CYP46A1: variants seen among roughly 807,000 people sequenced by gnomAD.
CYP46A1 encodes cholesterol 24-hydroxylase.
A neutral mutation model predicts 63.3 loss-of-function variants in CYP46A1; 20 were observed. That is an observed-to-expected ratio of 0.32 (90% CI 0.22 to 0.46). The LOEUF (loss-of-function observed/expected upper bound fraction) is 0.46. Ranked by LOEUF, CYP46A1 falls within the 20% of genes least tolerant of loss-of-function variation. The pLI, the probability that CYP46A1 is intolerant of heterozygous loss-of-function variation, is 1.00. For synonymous variants in CYP46A1, 268 were observed against 273.6 expected, an observed-to-expected ratio of 0.98 and a Z score of 0.20; for missense variants, 445 against 670.8, an observed-to-expected ratio of 0.66 and a Z score of 3.72.
chr14:99,696,046 T>C (rs1430943910), intron 3 of CYP46A1, among the ~76,000 whole-genome samples: 12 of 152,232 alleles, frequency 7.9e-5, no homozygotes, highest in Non-Finnish European at 1.5e-5. Context: ...TAGCACACAG[T>C]TGATTCTTGC....
rs996422749 is a variant in CYP46A1 at position 99,696,139 on chromosome 14, G to C, written c.283-3327G>C. Among the ~76,000 whole-genome samples, 9 of 152,160 alleles carry C rather than the reference G, an allele frequency of 5.9e-5. No homozygotes were observed. The East Asian group carries it at 1.7e-3, about 29-fold the overall frequency. ...TTACTGTAATTATTGATATGGCTGT[G>C]TTTAAATCTACCATGTTACTGTTTG... On this transcript the variant is annotated intron_variant, in intron 3 of 14. Transcript: ENST00000261835.
At position 99,726,753 on chromosome 14, in the gene CYP46A1, C is replaced by G; in HGVS notation, c.*26C>G. On this transcript the variant is annotated 3_prime_UTR_variant, in exon 15 of 15. Transcript: ENST00000261835. ...GGGGGCCTCCAGGCAGGACGAGACT[C>G]CTCGGGCAAGGGCCGTGCCCGCCCA... is the stretch of plus-strand genomic sequence containing the variant. The G allele has an allele frequency of 6.7e-7, 1 of 1,487,774 alleles. No homozygotes were observed. Among genetic ancestry groups the G allele is most frequent in the Non-Finnish European group, 9.0e-7 (1 of 1,114,696 alleles). The allele number at this position is 1,487,774 out of a possible 1,614,324, so 92.2% of individuals were successfully genotyped here. A position where few individuals can be genotyped will look rare whatever the true frequency, so the allele number is the denominator to read the frequency against.
chr14:99,709,591 A>C (rs1422537832), intron 7 of CYP46A1: 2 of 152,226 alleles, frequency 1.3e-5, no homozygotes, highest in African/African-American at 4.8e-5. Flanking sequence ...TCAGGAGAAG[A>C]GATGGGCAAA....
At position 99,722,879 on chromosome 14, in the gene CYP46A1, T is replaced by C; in HGVS notation, c.1176+813T>C. ...AGCAACGATGCCATTTCTGTCCGCA[T>C]GTCCAGGAACAGTGTGCAAGCCAGC... On this transcript the variant is annotated intron_variant, in intron 12 of 14. Coordinates refer to ENST00000261835, the MANE Select transcript of CYP46A1 (RefSeq NM_006668.2). The surrounding 1 kb of genome is among the most constrained non-coding windows in gnomAD (Gnocchi z 4.6). 1 of 451,480 alleles carries C rather than the reference T, an allele frequency of 2.2e-6. No individual in the cohort carries two copies. The highest frequency in any genetic ancestry group is 1.6e-5 in the South Asian group (1 of 64,198). The allele number at this position is 451,480 out of a possible 1,614,324, so 28.0% of individuals were successfully genotyped here.
intron 1 of CYP46A1, among the ~76,000 whole-genome samples, chr14:99,685,100 C>T (rs866453042): frequency 1.6e-5 from 2 of 125,316 alleles, no homozygotes; most frequent in Non-Finnish European, 3.4e-5. Context: ...CCCCCCCCAC[C>T]CCCAGCTTAG....
chr14:99,684,962 A>C (rs1049958473), intron 1 of CYP46A1, among the ~76,000 whole-genome samples: 1 of 152,020 alleles, frequency 6.6e-6, no homozygotes, highest in African/African-American at 2.4e-5. Flanking sequence ...AGCACGCTGT[A>C]CTTCAGTCAT....
rs368734286 is a variant in CYP46A1 at position 99,699,980 on chromosome 14, C to G, written c.357-35C>G. ...TCAAGCAGTCGCTCCCCACCCCCCA[C>G]CCTCTTTCCCGCATCACGTGTGTGT... On this transcript the variant is annotated intron_variant, in intron 4 of 14. Coordinates refer to ENST00000261835, the MANE Select transcript of CYP46A1 (RefSeq NM_006668.2). 1.2e-5 allele frequency: 7 copies of G among 585,416 alleles called. 1 individual carries two copies. In the Admixed American group the frequency reaches 1.2e-4, roughly 10 times the overall value. The allele number at this position is 585,416 out of a possible 1,614,324, so 36.3% of individuals were successfully genotyped here. A position where few individuals can be genotyped will look rare whatever the true frequency, so the allele number is the denominator to read the frequency against.
Position 99,715,882 on chromosome 14 carries a change from G to A in CYP46A1, c.766G>A (p.Asp256Asn). ...SIRFLRQVGR[D>N]WVQRRREALK... The stretch of plus-strand genomic sequence containing the variant: ...TCGCTTCCTGCGCCAGGTGGGCAGG[G>A]ACTGGGTCCAGCGCCGCCGGGAAGC... Residue 256 changes from aspartate (D) to asparagine (N), a missense_variant, in exon 8 of 15, where the codon GAC becomes AAC. Coordinates refer to ENST00000261835, the MANE Select transcript of CYP46A1 (RefSeq NM_006668.2). The A allele has an allele frequency of 6.2e-7, 1 of 1,614,030 alleles. No homozygotes were observed.
In CYP46A1 at chr14:99,726,481, G is replaced by C. The variant is rs549399050; in HGVS notation, c.1333-76G>C. 55 of 1,392,102 alleles carry C rather than the reference G, an allele frequency of 4.0e-5. No individual in the cohort carries two copies. The East Asian group carries it at 1.1e-3, about 27-fold the overall frequency. The allele number at this position is 1,392,102 out of a possible 1,614,324, so 86.2% of individuals were successfully genotyped here. A position where few individuals can be genotyped will look rare whatever the true frequency, so the allele number is the denominator to read the frequency against. ...GCTCTCCAGGAGGAGAGCCGGCTGT[G>C]ACATTTGCTGCTCATTCACTCACTC... On this transcript the variant is annotated intron_variant, in intron 14 of 14. Transcript: ENST00000261835.
chr14:99,703,519 C>T, intron 5 of CYP46A1: 3 of 917,920 alleles, frequency 3.3e-6, no homozygotes, highest in Non-Finnish European at 3.9e-6. Flanking sequence ...TTTGCATCCC[C>T]TCTCCCCAGC....
chr14:99,707,462 C>A, intron 6 of CYP46A1, 106 bp from the exon 7 acceptor site: 1 of 825,542 alleles, frequency 1.2e-6, no homozygotes, highest in Non-Finnish European at 2.0e-6. Context: ...TGCATATAAA[C>A]CCTTAGCCCA....
chr14:99,706,143 G>A (rs2181229), intron 5 of CYP46A1: 153,209 of 153,244 alleles, frequency 1, 76,587 homozygotes, highest in Non-Finnish European at 1. Flanking sequence ...TCTGGGGTGC[G>A]AATGGTATCT....
intron 10 of CYP46A1, among the ~76,000 whole-genome samples, chr14:99,720,172 A>G (rs952335861): frequency 2.6e-5 from 4 of 152,168 alleles, no homozygotes; most frequent in African/African-American, 7.2e-5. Context: ...CCGTTTGTCT[A>G]TTTTGAATAA....
At position 99,727,131 on chromosome 14, in the gene CYP46A1, T is replaced by C; in HGVS notation, c.*404T>C. Reference sequence around the variant, plus strand: ...CTCCCTCGGTCACCTGTGCTACCTCTAACACCACACTGACCACACTGTATC... The same window carrying C: ...CTCCCTCGGTCACCTGTGCTACCTCCAACACCACACTGACCACACTGTATC... On this transcript the variant is annotated 3_prime_UTR_variant, in exon 15 of 15. Coordinates refer to ENST00000261835, the MANE Select transcript of CYP46A1 (RefSeq NM_006668.2). The C allele has an allele frequency of 5.1e-6, 1 of 195,446 alleles. No homozygotes were observed. The allele number at this position is 195,446 out of a possible 1,614,324, so 12.1% of individuals were successfully genotyped here.
chr14:99,719,124 T>C (rs755252954), intron 10 of CYP46A1, among the ~76,000 whole-genome samples: 1 of 152,182 alleles, frequency 6.6e-6, no homozygotes. Context: ...TGGTAAAATA[T>C]ACATAACATA....
rs1169385381 is a variant in CYP46A1 at position 99,707,729 on chromosome 14, C to T, written c.693+51C>T. Reference sequence around the variant, plus strand: ...GACCAGCCACCAGAGCTGTTGTCTTCATTTGCTGAAGAACCTCCTTCAGTG... The same window carrying T: ...GACCAGCCACCAGAGCTGTTGTCTTTATTTGCTGAAGAACCTCCTTCAGTG... On this transcript the variant is annotated intron_variant, in intron 7 of 14. Transcript: ENST00000261835. The T allele has an allele frequency of 4.0e-6, 6 of 1,494,990 alleles. No homozygotes were observed. The South Asian group carries it at 7.1e-5, about 18-fold the overall frequency. 92.6% of individuals were successfully genotyped at this position (1,494,990 alleles called of 1,614,324 possible).
rs1242933665 is a variant in CYP46A1, at chr14:99,684,349, C to T, written c.-69C>T. 5 of 981,768 alleles carry T rather than the reference C, an allele frequency of 5.1e-6. No homozygotes were observed. Among genetic ancestry groups the T allele is most frequent in the Non-Finnish European group, 6.5e-6 (5 of 765,564 alleles). 60.8% of individuals were successfully genotyped at this position (981,768 alleles called of 1,614,324 possible). On this transcript the variant is annotated 5_prime_UTR_variant, in exon 1 of 15. Transcript: ENST00000261835. ...CGGCGCGCGGCGCTGACAGCTGAGT[C>T]GGCTCGCGGCCTCCCGGCCCCCTCG...
At position 99,722,876 on chromosome 14, in the gene CYP46A1, G is replaced by A. The variant is rs1174789348; in HGVS notation, c.1176+810G>A. On this transcript the variant is annotated intron_variant, in intron 12 of 14. Transcript: ENST00000261835. The surrounding 1 kb of genome is among the most constrained non-coding windows in gnomAD (Gnocchi z 4.6). Reference sequence around the variant, plus strand: ...CACAGCAACGATGCCATTTCTGTCCGCATGTCCAGGAACAGTGTGCAAGCC... The same window carrying A: ...CACAGCAACGATGCCATTTCTGTCCACATGTCCAGGAACAGTGTGCAAGCC... The A allele has an allele frequency of 1.6e-5, 7 of 450,284 alleles. No individual in the cohort carries two copies. The highest frequency in any genetic ancestry group is 7.0e-5 in the East Asian group (1 of 14,266). The allele number at this position is 450,284 out of a possible 1,614,324, so 27.9% of individuals were successfully genotyped here. A position where few individuals can be genotyped will look rare whatever the true frequency, so the allele number is the denominator to read the frequency against.
intron 1 of CYP46A1, among the ~76,000 whole-genome samples, chr14:99,686,984 C>T (rs1024981930): frequency 3.3e-5 from 5 of 152,218 alleles, no homozygotes; most frequent in East Asian, 3.8e-4. Flanking sequence ...CTGTGGTTGA[C>T]GAGAGATCTG....
Sources: allele counts gnomAD v4.1 joint callset (sites outside exome capture counted in the v4.1 genomes callset), GRCh38; gene constraint gnomAD v4.1.1; non-coding constraint Gnocchi (gnomAD v3.1); transcripts MANE v1.5; gene names NCBI Gene and HGNC (gene_info 2026-07-23, HGNC 2026-07-21).